The following TMCC1 variants were observed in gnomAD, a reference collection of about 807,000 sequenced individuals.
The protein encoded by TMCC1 is transmembrane and coiled-coil domain family 1.
In TMCC1, 15 loss-of-function variants were observed where a neutral mutation model predicts 52.4. The ratio of observed to expected loss-of-function variants is 0.29; its 90% CI spans 0.19 to 0.44. TMCC1 has a LOEUF of 0.44. Ranked by LOEUF, TMCC1 falls within the 20% of genes least tolerant of loss-of-function variation. TMCC1 has a pLI of 1.00. For synonymous variants in TMCC1, 279 were observed against 301.9 expected (o/e 0.92, Z 0.79); for missense variants, 503 against 806.0 (o/e 0.62, Z 4.55).
At chr3:129,751,202 A>T (rs559966130) in intron 4 of TMCC1, among the ~76,000 whole-genome samples, 1 of 150,860 alleles carries the variant, frequency 6.6e-6, no homozygotes, top group South Asian at 2.1e-4. Context: ...CCTGTCTCAA[A>T]AAACAAAACA....
At chr3:129,753,228 G>T (rs1488757893) in intron 4 of TMCC1, among the ~76,000 whole-genome samples, 1 of 152,118 alleles carries the variant, frequency 6.6e-6, no homozygotes, top group Non-Finnish European at 1.5e-5. Context: ...ACCTAAAAAT[G>T]TACAATTTTC....
intron 2 of TMCC1, among the ~76,000 whole-genome samples, chr3:129,874,615 G>T: frequency 6.6e-6 from 1 of 152,178 alleles, no homozygotes; most frequent in East Asian, 1.9e-4. Context: ...CCAACACTTT[G>T]CAAGGCTGAG....
intron 2 of TMCC1, among the ~76,000 whole-genome samples, chr3:129,869,862 T>C (rs1258718041): frequency 6.6e-6 from 1 of 152,198 alleles, no homozygotes; most frequent in Non-Finnish European, 1.5e-5. Flanking sequence ...GCATAAATTA[T>C]TTGCAGTGTA....
chr3:129,759,232 C>A (rs566089205), intron 4 of TMCC1, among the ~76,000 whole-genome samples: 1 of 152,018 alleles, frequency 6.6e-6, no homozygotes, highest in African/African-American at 2.4e-5. Context: ...TACATATCAA[C>A]CACTACTTTA....
chr3:129,666,556 T>C (rs1202885316), intron 5 of TMCC1, among the ~76,000 whole-genome samples: 1 of 150,854 alleles, frequency 6.6e-6, no homozygotes, highest in African/African-American at 2.4e-5. Flanking sequence ...CTGGCTAACA[T>C]GGTAAAACCC....
At chr3:129,884,030 T>C (rs997965310) in intron 1 of TMCC1, among the ~76,000 whole-genome samples, 1 of 152,028 alleles carries the variant, frequency 6.6e-6, no homozygotes, top group Non-Finnish European at 1.5e-5. Flanking sequence ...TAAAGAAACG[T>C]CAACAGTAAT....
At chr3:129,673,905 G>C (rs771478862) in intron 4 of TMCC1, among the ~76,000 whole-genome samples, 13 of 151,896 alleles carry the variant, frequency 8.6e-5, no homozygotes, top group Admixed American at 1.3e-4. Context: ...GGTCAATGAT[G>C]GACTGCATAT....
At chr3:129,881,321 A>T (rs1253380352) in intron 1 of TMCC1, among the ~76,000 whole-genome samples, 1 of 152,230 alleles carries the variant, frequency 6.6e-6, no homozygotes, top group Non-Finnish European at 1.5e-5. Context: ...TAAAGAAAAT[A>T]TTAAAATCTA....
intron 4 of TMCC1, among the ~76,000 whole-genome samples, chr3:129,812,336 CAAAAAAAAAAA>C (rs11387876): frequency 3.6e-5 from 2 of 56,016 alleles, no homozygotes; most frequent in Non-Finnish European, 5.8e-5. Context: ...GACTCTGTCT[CAAAAAAAAAAA>C]AAAAAAAAAA....
chr3:129,664,932 C>T (rs2087335724), intron 5 of TMCC1, among the ~76,000 whole-genome samples: 1 of 152,158 alleles, frequency 6.6e-6, no homozygotes, highest in East Asian at 1.9e-4. Context: ...TCAGTGTTCT[C>T]AACTGTAAAT....
At chr3:129,687,342 T>C (rs1302346214) in intron 4 of TMCC1, among the ~76,000 whole-genome samples, 2 of 152,180 alleles carry the variant, frequency 1.3e-5, no homozygotes, top group Non-Finnish European at 2.9e-5. Flanking sequence ...AGCAAGGTGA[T>C]TCTGGTAGGA....
At chr3:129,808,936 A>AAC (rs1249833017) in intron 4 of TMCC1, among the ~76,000 whole-genome samples, 11 of 151,290 alleles carry the variant, frequency 7.3e-5, no homozygotes, top group African/African-American at 2.4e-4. Context: ...AAAAAAAAAA[A>AAC]AACAAAGAAA....
At chr3:129,769,531 A>G (rs1378156076) in intron 4 of TMCC1, among the ~76,000 whole-genome samples, 1 of 131,022 alleles carries the variant, frequency 7.6e-6, no homozygotes, top group Non-Finnish European at 1.6e-5. Flanking sequence ...CGCCCAGCCC[A>G]TTATGAGATT....
chr3:129,683,073 G>A (rs1055168197), intron 4 of TMCC1, among the ~76,000 whole-genome samples: 2 of 152,202 alleles, frequency 1.3e-5, no homozygotes, highest in Non-Finnish European at 2.9e-5. Context: ...GACCTCAGGT[G>A]ATCCGCCCGC....
intron 4 of TMCC1, among the ~76,000 whole-genome samples, chr3:129,809,458 ACTT>A (rs1181136582): frequency 2.0e-5 from 3 of 152,128 alleles, no homozygotes; most frequent in Non-Finnish European, 4.4e-5. Context: ...AATAATATTA[ACTT>A]CTTAATTTCA....
intron 4 of TMCC1, among the ~76,000 whole-genome samples, chr3:129,796,248 A>T (rs1252787765): frequency 6.6e-6 from 1 of 152,206 alleles, no homozygotes; most frequent in Admixed American, 6.5e-5. Flanking sequence ...GTAGCCTAGG[A>T]GCAACAGGCT....
At chr3:129,752,533 G>T (rs1457401459) in intron 4 of TMCC1, among the ~76,000 whole-genome samples, 2 of 152,062 alleles carry the variant, frequency 1.3e-5, no homozygotes, top group Non-Finnish European at 2.9e-5. Context: ...AGGTGTGGTG[G>T]TGGGCACCTG....
chr3:129,675,740 T>A (rs2088368991), intron 4 of TMCC1, among the ~76,000 whole-genome samples: 1 of 152,004 alleles, frequency 6.6e-6, no homozygotes, highest in East Asian at 1.9e-4. Context: ...CTTCCAATCT[T>A]AAAAACAACA....
At chr3:129,692,913 G>A (rs1576468052) in intron 4 of TMCC1, among the ~76,000 whole-genome samples, 1 of 152,138 alleles carries the variant, frequency 6.6e-6, no homozygotes, top group Non-Finnish European at 1.5e-5. Flanking sequence ...TACCATCTCG[G>A]CTGACTGCAA....
Sources: gnomAD v4.1 joint callset for allele counts (sites outside exome capture counted in the v4.1 genomes callset) on GRCh38, gnomAD v4.1.1 for gene constraint, MANE v1.5 for transcripts, NCBI Gene and HGNC (gene_info 2026-07-23, HGNC 2026-07-21) for gene names.